Variants in KIF26A observed in about 807,000 individuals in gnomAD.
The protein encoded by KIF26A is kinesin-like protein KIF26A.
In KIF26A, 74 loss-of-function variants were observed where a neutral mutation model predicts 126.0. The observed-to-expected ratio is 0.59, with a 90% CI of 0.49 to 0.71. KIF26A has a LOEUF of 0.71. Among genes scored for constraint, KIF26A ranks in the 30% least tolerant of loss-of-function variants. KIF26A has a pLI of 0.00. For synonymous variants in KIF26A, 1,445 were observed against 1,232.7 expected, an observed-to-expected ratio of 1.17 and a Z score of -3.61; for missense variants, 2,984 against 2,763.3, an observed-to-expected ratio of 1.08 and a Z score of -1.79.
intron 4 of KIF26A, among the ~76,000 whole-genome samples, chr14:104,165,874 G>C (rs773398627): frequency 6.2e-5 from 9 of 145,186 alleles, no homozygotes; most frequent in East Asian, 3.9e-4. Flanking sequence ...TAGGGTGTGC[G>C]TGTCGAGGTC....
chr14:104,140,147 G>A (rs950529593), intron 2 of KIF26A, among the ~76,000 whole-genome samples: 4 of 152,206 alleles, frequency 2.6e-5, no homozygotes, highest in Non-Finnish European at 5.9e-5. Flanking sequence ...GGGGGTTGGA[G>A]TGAGCTGAGA....
chr14:104,139,626 A>G (rs2037617843), intron 2 of KIF26A, among the ~76,000 whole-genome samples: 1 of 152,172 alleles, frequency 6.6e-6, no homozygotes, highest in Non-Finnish European at 1.5e-5. Context: ...AGGGCGGGAC[A>G]GCTCCAGCCC....
chr14:104,146,473 C>T lies in KIF26A; in HGVS notation c.289-5542C>T, dbSNP rs544648166. Among the ~76,000 whole-genome samples, 36 of 152,046 alleles carry T rather than the reference C, an allele frequency of 2.4e-4. No homozygotes were observed. The East Asian group carries it at 3.5e-3, about 15-fold the overall frequency. Reference sequence around the variant, plus strand: ...GGTCTGAACTCATCCCTGTGCCTACCGAGTGGTGGGAAGAGCATGGAGGGC... The same window carrying T: ...GGTCTGAACTCATCCCTGTGCCTACTGAGTGGTGGGAAGAGCATGGAGGGC... On this transcript the variant is annotated intron_variant, in intron 2 of 14. Coordinates refer to ENST00000423312, the MANE Select transcript of KIF26A (RefSeq NM_015656.2).
Position 104,177,141 on chromosome 14 carries a change from C to A in KIF26A, c.4353C>A (p.Gly1451=). 6.3e-7 allele frequency: 1 copy of A among 1,597,816 alleles called. No individual in the cohort carries two copies. Among genetic ancestry groups the A allele is most frequent in the Non-Finnish European group, 8.5e-7 (1 of 1,179,362 alleles). Residue 1451 remains glycine, a synonymous_variant, in exon 12 of 15, where the codon GGC becomes GGA. Transcript: ENST00000423312. ...YEGLAHSSSK[G]REAPGRPPRA... is the part of the protein sequence containing the mutation. ...GCCTGGCGCACAGCAGCAGCAAGGG[C>A]CGGGAAGCCCCTGGGCGGCCTCCCC...
rs192465510 is a variant in KIF26A at position 104,147,878 on chromosome 14, C to T, written c.289-4137C>T. Among the ~76,000 whole-genome samples, 541 of 152,332 alleles carry T rather than the reference C, an allele frequency of 3.6e-3. 5 individuals carry two copies. Among genetic ancestry groups the T allele is most frequent in the African/African-American group, 0.012 (518 of 41,570 alleles). The stretch of plus-strand genomic sequence containing the variant: ...GGGGAGGGGCTTCGGGGCCTAGTTA[C>T]CCTCCCAGCGGCCCTGCCAGTGGGT... On this transcript the variant is annotated intron_variant, in intron 2 of 14. Transcript: ENST00000423312.
In KIF26A at chr14:104,138,647, G is replaced by A. The variant is rs2037606700; in HGVS notation, c.-76G>A. The A allele has an allele frequency of 1.7e-6, 2 of 1,168,522 alleles. No homozygotes were observed. Among genetic ancestry groups the A allele is most frequent in the Non-Finnish European group, 2.2e-6 (2 of 927,614 alleles). The allele number at this position is 1,168,522 out of a possible 1,614,324, so 72.4% of individuals were successfully genotyped here. A position where few individuals can be genotyped will look rare whatever the true frequency, so the allele number is the denominator to read the frequency against. The stretch of plus-strand genomic sequence containing the variant: ...CGGGCCATGGGGGCGCCTCGGGGCC[G>A]GATCACGTAGCCGCGGCGCCCCCGG... On this transcript the variant is annotated 5_prime_UTR_variant, in exon 1 of 15. Coordinates refer to ENST00000423312, the MANE Select transcript of KIF26A (RefSeq NM_015656.2).
chr14:104,147,834 ATGCCTCAC>A (rs1026675823), intron 2 of KIF26A, among the ~76,000 whole-genome samples: 1 of 152,208 alleles, frequency 6.6e-6, no homozygotes, highest in African/African-American at 2.4e-5. Flanking sequence ...CCGCACACGC[ATGCCTCAC>A]TGCGTGGGTC....
intron 4 of KIF26A, among the ~76,000 whole-genome samples, chr14:104,166,182 G>GA (rs199702088): frequency 0.038 from 5,733 of 150,876 alleles, 145 homozygotes; most frequent in Non-Finnish European, 0.043. Flanking sequence ...AGGGTGGCAG[G>GA]GGCCCAGGAG....
rs761275516 is a variant in KIF26A, at chr14:104,157,864, C to T, written c.845C>T (p.Thr282Met). ...SKAWGRGGVC[T>M]SALVTPTPGS... The stretch of plus-strand genomic sequence containing the variant: ...GCCTGGGGCCGTGGTGGAGTCTGCA[C>T]GTCAGCCCTGGTCACCCCCACCCCG... The change falls in exon 4 of 15, where the codon ACG becomes ATG. Residue 282 changes from threonine to methionine, a missense_variant. By Grantham distance (81) the Thr-to-Met change is moderately conservative (BLOSUM62 -1). Transcript: ENST00000423312. 100 of 1,604,606 alleles carry T rather than the reference C, an allele frequency of 6.2e-5. No individual in the cohort carries two copies. The highest frequency in any genetic ancestry group is 1.0e-4 in the Admixed American group (6 of 59,458).
chr14:104,160,436 C>G (rs566537202), intron 4 of KIF26A, among the ~76,000 whole-genome samples: 4 of 152,226 alleles, frequency 2.6e-5, no homozygotes, highest in African/African-American at 9.6e-5. Context: ...CCATGGGTGC[C>G]CGGGTACCCG....
intron 3 of KIF26A, among the ~76,000 whole-genome samples, chr14:104,155,161 CCCT>C (rs1484959114): frequency 1.3e-5 from 2 of 152,284 alleles, no homozygotes; most frequent in Admixed American, 6.5e-5. Flanking sequence ...GCTCCTCAGC[CCCT>C]CCTCCTCCCT....
chr14:104,177,146 A>C lies in KIF26A; in HGVS notation c.4358A>C (p.Glu1453Ala). The C allele has an allele frequency of 1.3e-6, 2 of 1,597,684 alleles. No homozygotes were observed. Among genetic ancestry groups the C allele is most frequent in the Non-Finnish European group, 1.7e-6 (2 of 1,179,316 alleles). The change falls in exon 12 of 15, where the codon GAA (glutamate) becomes GCA (alanine). Residue 1453 changes from glutamate to alanine, a missense_variant. Glu to Ala is a moderately radical substitution (Grantham distance 107). Transcript: ENST00000423312. ...GCGCACAGCAGCAGCAAGGGCCGGG[A>C]AGCCCCTGGGCGGCCTCCCCGGGCT... The part of the protein sequence containing the change: ...GLAHSSSKGR[E>A]APGRPPRAVP...
At chr14:104,179,052 C>T (rs760385336) in intron 13 of KIF26A, among the ~76,000 whole-genome samples, 184 bp from the exon 14 acceptor site, 9 of 152,140 alleles carry the variant, frequency 5.9e-5, no homozygotes, top group East Asian at 1.9e-4. Flanking sequence ...GTCCTAGAGC[C>T]GAGCCAGGAC....
At chr14:104,172,706 G>T in intron 7 of KIF26A, 38 bp downstream of exon 7, 1 of 1,477,498 alleles carries the variant, frequency 6.8e-7, no homozygotes. Context: ...GGTCCTGCTG[G>T]CCACCCCCTC....
At chr14:104,173,284 T>C in intron 8 of KIF26A, 45 bp downstream of exon 8, 1 of 1,601,634 alleles carries the variant, frequency 6.2e-7, no homozygotes. Context: ...GGGCTGCACT[T>C]GGCCCTGAGC....
chr14:104,169,042 C>T (rs767424107), intron 5 of KIF26A, among the ~76,000 whole-genome samples: 1 of 152,242 alleles, frequency 6.6e-6, no homozygotes, highest in African/African-American at 2.4e-5. Context: ...TGGCATCAGC[C>T]TGTGTTTTGG....
intron 3 of KIF26A, among the ~76,000 whole-genome samples, chr14:104,155,669 C>A (rs936336694): frequency 8.5e-5 from 13 of 152,234 alleles, no homozygotes; most frequent in Non-Finnish European, 1.5e-4. Flanking sequence ...CAGTGGCCGT[C>A]CCGGCGGATG....
chr14:104,155,684 G>A (rs542008614), intron 3 of KIF26A, among the ~76,000 whole-genome samples: 6 of 152,370 alleles, frequency 3.9e-5, no homozygotes, highest in South Asian at 2.1e-4. Context: ...CGGATGGGGC[G>A]GTGTCCCGGC....
intron 2 of KIF26A, among the ~76,000 whole-genome samples, chr14:104,145,325 G>A (rs1217807051): frequency 6.6e-6 from 1 of 152,204 alleles, no homozygotes; most frequent in Non-Finnish European, 1.5e-5. Context: ...CGTGGGCTGG[G>A]GTGGCCCGAG....
Sources: gnomAD v4.1 joint callset for allele counts (sites outside exome capture counted in the v4.1 genomes callset) on GRCh38, gnomAD v4.1.1 for gene constraint, MANE v1.5 for transcripts, NCBI Gene and HGNC (gene_info 2026-07-23, HGNC 2026-07-21) for gene names.